Variants in ZNF600 observed in about 807,000 individuals in gnomAD.
ZNF600 encodes zinc finger protein KR-ZNF1.
In ZNF600, 4 loss-of-function variants were observed where a neutral mutation model predicts 7.3. The ratio of observed to expected loss-of-function variants is 0.55; its 90% CI spans 0.27 to 1.25. ZNF600 has a LOEUF of 1.25. ZNF600 is among the 50% of genes most tolerant of loss of function. The probability of loss-of-function intolerance (pLI) is 0.12; values close to 1 mark genes in which losing one functional copy is unlikely to be tolerated. For synonymous variants in ZNF600, 290 were observed against 308.9 expected (o/e 0.94, Z 0.64); for missense variants, 911 against 922.1 (o/e 0.99, Z 0.16).
the ZNF600 span, among the ~76,000 whole-genome samples, chr19:52,810,892 CCTCCCCCTCCCTCTCCCT>C: frequency 0.036 from 342 of 9,462 alleles, 6 homozygotes; most frequent in Non-Finnish European, 0.065. Context: ...TCCCCCTCCC[CCTCCCCCTCCCTCTCCCT>C]CTCCCTCCAC....
At chr19:52,811,655 GCAA>G in the ZNF600 span, among the ~76,000 whole-genome samples, 1 of 145,360 alleles carries the variant, frequency 6.9e-6, no homozygotes, top group African/African-American at 2.7e-5. Context: ...CCTCTGCCTG[GCAA>G]CCGCCCCGTC....
At chr19:52,796,320 C>T in the ZNF600 span, among the ~76,000 whole-genome samples, 1 of 152,214 alleles carries the variant, frequency 6.6e-6, no homozygotes, top group Admixed American at 6.5e-5. Flanking sequence ...ATTTTATGGA[C>T]ACGAGACAGC....
At chr19:52,809,917 C>A in the ZNF600 span, 137 of 846,362 alleles carry the variant, frequency 1.6e-4, 1 homozygote, top group Middle Eastern at 3.0e-3. Context: ...GTGCCCGGGG[C>A]CGGTGGGGAG....
At chr19:52,783,061 T>G (rs12979504) in intron 1 of ZNF600, among the ~76,000 whole-genome samples, 24,751 of 106,792 alleles carry the variant, frequency 0.23, 4,994 homozygotes, top group Non-Finnish European at 0.39. Flanking sequence ...CCCCACCCCA[T>G]CCATGAAAAG....
chr19:52,772,047 G>A (rs2062634132), intron 3 of ZNF600, among the ~76,000 whole-genome samples: 1 of 152,206 alleles, frequency 6.6e-6, no homozygotes, highest in Non-Finnish European at 1.5e-5. Context: ...CTTATATGAA[G>A]CCATCTAATA....
upstream of ZNF600, among the ~76,000 whole-genome samples, chr19:52,787,019 C>T (rs927452410): frequency 1.3e-5 from 2 of 152,270 alleles, no homozygotes; most frequent in African/African-American, 2.4e-5. Context: ...GGAATGCAAA[C>T]TAGAATGTGA....
At chr19:52,807,122 G>C in the ZNF600 span, among the ~76,000 whole-genome samples, 1 of 152,012 alleles carries the variant, frequency 6.6e-6, no homozygotes, top group African/African-American at 2.4e-5. Flanking sequence ...CCACCCATCT[G>C]GATTTTTTTG....
chr19:52,821,404 C>A, the ZNF600 span, among the ~76,000 whole-genome samples: 3 of 152,124 alleles, frequency 2.0e-5, no homozygotes, highest in African/African-American at 7.2e-5. Context: ...CGGGACCAGC[C>A]TCAGGGCGAC....
At chr19:52,782,116 T>G (rs1342860028) in intron 1 of ZNF600, among the ~76,000 whole-genome samples, 1 of 152,030 alleles carries the variant, frequency 6.6e-6, no homozygotes, top group East Asian at 1.9e-4. Flanking sequence ...TGGTCCCAGC[T>G]ACTCCGGAGG....
At chr19:52,769,902 C>T (rs1253014158) in intron 3 of ZNF600, among the ~76,000 whole-genome samples, 1 of 152,012 alleles carries the variant, frequency 6.6e-6, no homozygotes, top group Non-Finnish European at 1.5e-5. Context: ...TATTGCATAC[C>T]ACATACCGAA....
At chr19:52,794,511 C>T in the ZNF600 span, among the ~76,000 whole-genome samples, 2 of 152,118 alleles carry the variant, frequency 1.3e-5, no homozygotes, top group African/African-American at 4.8e-5. Context: ...CTGATTCCCA[C>T]GTGATGGTCT....
At chr19:52,810,969 C>T in the ZNF600 span, among the ~76,000 whole-genome samples, 19 of 136,150 alleles carry the variant, frequency 1.4e-4, 1 homozygote, top group South Asian at 8.4e-4. Context: ...GCTGCCATCT[C>T]GGCTCACTGC....
chr19:52,778,882 A>C, exon 2 of ZNF600: 1 of 1,604,764 alleles, frequency 6.2e-7, no homozygotes, highest in Non-Finnish European at 8.5e-7. Flanking sequence ...GCTTCTTCAC[A>C]TAACATGAGT....
chr19:52,789,052 T>C (rs2062785235), upstream of ZNF600, among the ~76,000 whole-genome samples: 1 of 152,094 alleles, frequency 6.6e-6, no homozygotes, highest in Non-Finnish European at 1.5e-5. Context: ...ACAGGCAACA[T>C]GGGCCAGAGA....
At chr19:52,810,692 G>C in the ZNF600 span, 1 of 811,934 alleles carries the variant, frequency 1.2e-6, no homozygotes, top group South Asian at 1.3e-5. Context: ...GCGACATCAC[G>C]GTATTCCCCT....
At chr19:52,832,012 C>CTT in the ZNF600 span, among the ~76,000 whole-genome samples, 49,695 of 151,674 alleles carry the variant, frequency 0.33, 8,323 homozygotes, top group South Asian at 0.52. Context: ...AAAAATAAAA[C>CTT]AATGCAAATG....
At position 52,778,925 on chromosome 19, in the gene ZNF600, T is replaced by C. The variant is rs1028330367; in HGVS notation, c.-19-18A>G. The stretch of plus-strand genomic sequence containing the variant: ...AATCAATCCTGTATGTGAAAAAAAA[T>C]GAGACTTCTTGTTAGAAATGACTCA... On this transcript the variant is annotated intron_variant, in intron 1 of 3. Transcript: ENST00000648973. The C allele has an allele frequency of 5.7e-6, 9 of 1,578,170 alleles. No individual in the cohort carries two copies. In the African/African-American group the frequency reaches 1.1e-4, roughly 19 times the overall value.
chr19:52,804,721 T>C, the ZNF600 span, among the ~76,000 whole-genome samples: 2 of 152,072 alleles, frequency 1.3e-5, no homozygotes, highest in Non-Finnish European at 2.9e-5. Context: ...GCCAGACTGG[T>C]CTCAAACTCC....
At chr19:52,829,775 G>A in the ZNF600 span, among the ~76,000 whole-genome samples, 2 of 152,022 alleles carry the variant, frequency 1.3e-5, no homozygotes, top group African/African-American at 2.4e-5. Flanking sequence ...GCCTCCCAAA[G>A]TGCTGGGATT....
Sources: gnomAD v4.1 joint callset for allele counts (sites outside exome capture counted in the v4.1 genomes callset) on GRCh38, gnomAD v4.1.1 for gene constraint, MANE v1.5 for transcripts, NCBI Gene and HGNC (gene_info 2026-07-23, HGNC 2026-07-21) for gene names.